PRKG1: variants seen among roughly 807,000 people sequenced by gnomAD.
PRKG1 encodes the protein protein kinase cGMP-dependent 1, also known as cGMP-dependent protein kinase 1.
Under a neutral mutation model 88.1 loss-of-function variants are expected in PRKG1, and 35 were observed. The observed-to-expected ratio is 0.40, with a 90% CI of 0.30 to 0.53. PRKG1 has a LOEUF of 0.53. PRKG1 is among the 20% of genes least tolerant of loss of function. PRKG1 has a pLI of 0.59. For synonymous variants in PRKG1, 303 were observed against 292.5 expected (o/e 1.04, Z -0.37); for missense variants, 540 against 839.8 (o/e 0.64, Z 4.41).
intron 1 of PRKG1, among the ~76,000 whole-genome samples, chr10:51,038,518 C>T (rs561581071): frequency 2.2e-4 from 34 of 152,292 alleles, no homozygotes; most frequent in African/African-American, 7.7e-4. Context: ...TCCTTCTACC[C>T]TCTATCTCCA....
At chr10:51,928,438 G>A (rs761147339) in intron 5 of PRKG1, among the ~76,000 whole-genome samples, 3 of 152,140 alleles carry the variant, frequency 2.0e-5, no homozygotes, top group Non-Finnish European at 2.9e-5. Context: ...GCTAATGCTG[G>A]CTGTACCAAA....
intron 3 of PRKG1, among the ~76,000 whole-genome samples, chr10:51,619,682 A>G (rs943022750): frequency 6.6e-6 from 1 of 152,202 alleles, no homozygotes; most frequent in South Asian, 2.1e-4. Flanking sequence ...CTTCTGTGCA[A>G]GAGAAAGAAA....
Position 51,686,740 on chromosome 10 carries a change from T to G in PRKG1, c.593-117845T>G, listed in dbSNP as rs561447420. Among the ~76,000 whole-genome samples the G allele has an allele frequency of 5.8e-4, 89 of 152,240 alleles. 1 individual carries two copies. The highest frequency in any genetic ancestry group is 1.1e-3 in the Non-Finnish European group (74 of 67,986). Reference sequence around the variant, plus strand: ...GTTCCCAATTTTTCTTTACAACCTTTTTTGTTTGTTTGTTTGTTTGTTTTT... The same window carrying G: ...GTTCCCAATTTTTCTTTACAACCTTGTTTGTTTGTTTGTTTGTTTGTTTTT... On this transcript the variant is annotated intron_variant, in intron 3 of 17. Coordinates refer to ENST00000373980, the MANE Select transcript of PRKG1 (RefSeq NM_006258.4).
intron 1 of PRKG1, among the ~76,000 whole-genome samples, chr10:51,058,206 T>C (rs1778256749): frequency 6.6e-6 from 1 of 152,172 alleles, no homozygotes; most frequent in African/African-American, 2.4e-5. Context: ...GTGTCTTGAC[T>C]TATGAGTTTT....
At position 51,552,134 on chromosome 10, in the gene PRKG1, A is replaced by G. The variant is rs146565027; in HGVS notation, c.592+84298A>G. On this transcript the variant is annotated intron_variant, in intron 3 of 17. Coordinates refer to ENST00000373980, the MANE Select transcript of PRKG1 (RefSeq NM_006258.4). The stretch of plus-strand genomic sequence containing the variant: ...AAAATAAAGAAATACTTTCAGTCTT[A>G]TCTCAGATGGTGATTATGCTAAACA... 4.5e-3 allele frequency among the ~76,000 whole-genome samples: 683 copies of G among 151,780 alleles called. 3 individuals carry two copies. Among genetic ancestry groups the G allele is most frequent in the African/African-American group, 0.015 (639 of 41,530 alleles).
intron 8 of PRKG1, among the ~76,000 whole-genome samples, chr10:52,153,646 T>C (rs1414783022): frequency 1.3e-5 from 2 of 152,192 alleles, no homozygotes; most frequent in Non-Finnish European, 2.9e-5. Context: ...ACACTCAGAA[T>C]AGAGAAACCA....
At chr10:52,001,182 T>C (rs1844586203) in intron 5 of PRKG1, among the ~76,000 whole-genome samples, 1 of 152,052 alleles carries the variant, frequency 6.6e-6, no homozygotes, top group African/African-American at 2.4e-5. Context: ...CAGGATTTCC[T>C]TCTTTTTCAA....
In PRKG1 at chr10:51,060,363, G is replaced by A. The variant is rs370878637; in HGVS notation, c.266+68719G>A. ...TGTTTGTTTTCTATTTGTGATTTTT[G>A]TTCTATATTAATTTTTCTTTCCTTT... On this transcript the variant is annotated intron_variant, in intron 1 of 17. Transcript: ENST00000401604. 3.8e-4 allele frequency among the ~76,000 whole-genome samples: 57 copies of A among 151,750 alleles called. No homozygotes were observed. In the East Asian group the frequency reaches 0.01, roughly 28 times the overall value.
chr10:51,301,649 C>A (rs1387950188), intron 2 of PRKG1, among the ~76,000 whole-genome samples: 3 of 152,174 alleles, frequency 2.0e-5, no homozygotes, highest in Non-Finnish European at 4.4e-5. Context: ...TCAGGAGAGC[C>A]AGGCGAGGGA....
At chr10:51,839,218 G>A (rs771026889) in intron 4 of PRKG1, among the ~76,000 whole-genome samples, 1 of 152,128 alleles carries the variant, frequency 6.6e-6, no homozygotes, top group Non-Finnish European at 1.5e-5. Flanking sequence ...GATGAAATGT[G>A]CATGGTTATT....
At chr10:51,061,064 T>G (rs187352785) in intron 1 of PRKG1, among the ~76,000 whole-genome samples, 2 of 151,916 alleles carry the variant, frequency 1.3e-5, no homozygotes, top group East Asian at 3.9e-4. Context: ...CCTAGGGGTG[T>G]GTGTGTGTGT....
intron 2 of PRKG1, among the ~76,000 whole-genome samples, chr10:51,237,585 G>A (rs530727530): frequency 3.2e-4 from 48 of 152,200 alleles, no homozygotes; most frequent in Non-Finnish European, 4.7e-4. Context: ...TGGCACCCAC[G>A]CTCAGAGCAG....
intron 3 of PRKG1, among the ~76,000 whole-genome samples, chr10:51,605,592 T>A (rs1005995700): frequency 6.6e-6 from 1 of 152,230 alleles, no homozygotes; most frequent in Non-Finnish European, 1.5e-5. Flanking sequence ...ATGTAACATA[T>A]ACTGCTCTGG....
intron 2 of PRKG1, among the ~76,000 whole-genome samples, chr10:51,443,835 T>C (rs1839192061): frequency 6.6e-6 from 1 of 151,988 alleles, no homozygotes; most frequent in African/African-American, 2.4e-5. Context: ...AAATCTGTAG[T>C]GTGCCTGGAG....
intron 5 of PRKG1, among the ~76,000 whole-genome samples, chr10:51,996,738 A>T (rs1022956634): frequency 1.3e-5 from 2 of 152,158 alleles, no homozygotes; most frequent in African/African-American, 4.8e-5. Context: ...TTCCTCAAAA[A>T]ATTAGAAATG....
chr10:51,997,300 G>A lies in PRKG1; in HGVS notation c.763-57184G>A, dbSNP rs200468523. On this transcript the variant is annotated intron_variant, in intron 5 of 17. Transcript: ENST00000373980. ...ATCCTGGCCAACATGGTGAAACCCC[G>A]TCTCTACTAAAAATACATAAATTAG... Among the ~76,000 whole-genome samples the A allele has an allele frequency of 3.2e-4, 49 of 151,846 alleles. No individual in the cohort carries two copies. In the East Asian group the frequency reaches 7.4e-3, roughly 23 times the overall value.
intron 9 of PRKG1, chr10:52,231,447 G>C (rs1033437307): frequency 6.6e-6 from 1 of 152,108 alleles, no homozygotes; most frequent in Non-Finnish European, 1.5e-5. Context: ...GAAAGAGAGA[G>C]AGAGAATATT....
At chr10:51,185,873 T>G (rs1303463548) in intron 2 of PRKG1, among the ~76,000 whole-genome samples, 1 of 151,804 alleles carries the variant, frequency 6.6e-6, no homozygotes, top group Non-Finnish European at 1.5e-5. Context: ...CTTATACTTA[T>G]GTCATTGTAC....
chr10:51,669,805 T>C (rs772089098), intron 3 of PRKG1, among the ~76,000 whole-genome samples: 19 of 152,358 alleles, frequency 1.2e-4, no homozygotes, highest in Non-Finnish European at 2.6e-4. Flanking sequence ...ATCTGACTAG[T>C]TACCATAAAT....
Sources: allele counts gnomAD v4.1 joint callset (sites outside exome capture counted in the v4.1 genomes callset), GRCh38; gene constraint gnomAD v4.1.1; transcripts MANE v1.5; gene names NCBI Gene and HGNC (gene_info 2026-07-23, HGNC 2026-07-21).